The following TRIO variants were observed in gnomAD, a reference collection of about 807,000 sequenced individuals.
The protein encoded by TRIO is triple functional domain protein.
A neutral mutation model predicts 351.9 loss-of-function variants in TRIO; 58 were observed. The observed-to-expected ratio is 0.16, with a 90% CI of 0.13 to 0.21. The LOEUF (loss-of-function observed/expected upper bound fraction) is 0.21, where lower values mean the gene tolerates loss of function less well. Ranked by LOEUF, TRIO falls within the 10% of genes least tolerant of loss-of-function variation. TRIO has a pLI of 1.00. For missense variants in TRIO, 3,201 were observed against 4,027.8 expected (o/e 0.79, Z 5.56); for synonymous variants, 1,758 against 1,595.7 (o/e 1.10, Z -2.42).
chr5:14,276,067 A>G (rs1415953075), intron 2 of TRIO, among the ~76,000 whole-genome samples: 1 of 147,834 alleles, frequency 6.8e-6, no homozygotes, highest in East Asian at 2.0e-4. Flanking sequence ...TTTTTCTTTT[A>G]GAATAGCTTT....
Position 14,474,292 on chromosome 5 carries a change from CTCT to C in TRIO, c.6083+201_6083+203del, listed in dbSNP as rs1754888497. Among the ~76,000 whole-genome samples, 4 of 152,164 alleles carry C rather than the reference CTCT, an allele frequency of 2.6e-5. No individual in the cohort carries two copies. The South Asian group carries it at 8.3e-4, about 32-fold the overall frequency. On this transcript the variant is annotated intron_variant, in intron 40 of 56. Transcript: ENST00000344204. ...TTTGGTGGCACGGAGAGAGTCTTGT[CTCT>C]TCTTCGTGCTGGTCCATGTCGAGAG...
At chr5:14,165,356 C>T (rs571851082) in intron 1 of TRIO, among the ~76,000 whole-genome samples, 12 of 152,308 alleles carry the variant, frequency 7.9e-5, no homozygotes, top group Non-Finnish European at 1.5e-4. Context: ...TAAGCGAGAA[C>T]ATGCAGTATT....
At chr5:14,413,245 G>A (rs1246539728) in intron 33 of TRIO, among the ~76,000 whole-genome samples, 1 of 152,244 alleles carries the variant, frequency 6.6e-6, no homozygotes, top group Non-Finnish European at 1.5e-5. Context: ...CTGGCCTGAT[G>A]AATTGTGGTG....
chr5:14,427,292 T>C (rs940242368), intron 34 of TRIO, among the ~76,000 whole-genome samples: 23 of 152,086 alleles, frequency 1.5e-4, no homozygotes, highest in East Asian at 7.7e-4. Flanking sequence ...CCTGTGCAGA[T>C]TGGAGGAGGC....
At chr5:14,151,511 A>G (rs1420645280) in intron 1 of TRIO, among the ~76,000 whole-genome samples, 1 of 152,114 alleles carries the variant, frequency 6.6e-6, no homozygotes, top group African/African-American at 2.4e-5. Flanking sequence ...AATATATCGG[A>G]GACTAATACT....
intron 1 of TRIO, among the ~76,000 whole-genome samples, chr5:14,147,991 T>C (rs557207047): frequency 5.1e-4 from 78 of 152,388 alleles, no homozygotes; most frequent in African/African-American, 1.8e-3. Flanking sequence ...AGGAGATTTC[T>C]AAAATTCCTG....
At chr5:14,273,344 C>T (rs1735197296) in intron 2 of TRIO, among the ~76,000 whole-genome samples, 2 of 152,334 alleles carry the variant, frequency 1.3e-5, no homozygotes, top group South Asian at 2.1e-4. Flanking sequence ...TTGAATATTT[C>T]CGATCCTTAG....
chr5:14,182,629 A>G (rs1406581646), intron 1 of TRIO, among the ~76,000 whole-genome samples: 1 of 152,208 alleles, frequency 6.6e-6, no homozygotes, highest in African/African-American at 2.4e-5. Flanking sequence ...CTGTAAGAAA[A>G]TGCCATTAAT....
intron 29 of TRIO, among the ~76,000 whole-genome samples, chr5:14,398,209 A>G (rs188994272): frequency 1.2e-3 from 178 of 152,336 alleles, no homozygotes; most frequent in Middle Eastern, 6.8e-3. Flanking sequence ...CCTCTGCCCT[A>G]GGGCTGGCTT....
intron 1 of TRIO, among the ~76,000 whole-genome samples, chr5:14,181,619 G>A (rs924409483): frequency 1.3e-5 from 2 of 152,206 alleles, no homozygotes; most frequent in African/African-American, 4.8e-5. Context: ...CTGTGTCTAC[G>A]GTTGCCCCCA....
At chr5:14,468,799 G>A (rs1754466339) in intron 37 of TRIO, among the ~76,000 whole-genome samples, 1 of 152,160 alleles carries the variant, frequency 6.6e-6, no homozygotes, top group African/African-American at 2.4e-5. Context: ...ATTGGGTTAG[G>A]GAGGAGAGGA....
At chr5:14,169,581 A>G (rs989713849) in intron 1 of TRIO, among the ~76,000 whole-genome samples, 20 of 152,228 alleles carry the variant, frequency 1.3e-4, no homozygotes, top group African/African-American at 4.8e-4. Context: ...CACCTGGACC[A>G]CTTGAGTTGT....
chr5:14,216,790 C>T (rs1008015377), intron 1 of TRIO, among the ~76,000 whole-genome samples: 1 of 152,224 alleles, frequency 6.6e-6, no homozygotes, highest in African/African-American at 2.4e-5. Flanking sequence ...TGAACCTGGT[C>T]AGTACAGTTG....
intron 1 of TRIO, among the ~76,000 whole-genome samples, chr5:14,235,922 C>A (rs1358426890): frequency 1.3e-5 from 2 of 152,054 alleles, no homozygotes; most frequent in Non-Finnish European, 2.9e-5. Context: ...ATTTTGGCCT[C>A]CCAAAGTGCC....
intron 54 of TRIO, among the ~76,000 whole-genome samples, chr5:14,503,776 G>C (rs1057435716): frequency 2.0e-5 from 3 of 152,326 alleles, no homozygotes; most frequent in East Asian, 3.9e-4. Flanking sequence ...CAGTCTGCCC[G>C]CCACAGGCGC....
At chr5:14,184,807 G>A (rs572313430) in intron 1 of TRIO, among the ~76,000 whole-genome samples, 4 of 152,260 alleles carry the variant, frequency 2.6e-5, no homozygotes, top group African/African-American at 7.2e-5. Context: ...GTGCGGTTGC[G>A]GGGTTGGTGC....
Position 14,297,112 on chromosome 5 carries a change from A to G in TRIO, c.1217A>G (p.Asn406Ser), listed in dbSNP as rs138722140. The change falls in exon 7 of 57, where the codon AAT becomes AGT. Residue 406 changes from asparagine to serine, a missense_variant. By Grantham distance (46) the Asn-to-Ser change is conservative. Transcript: ENST00000344204. ...ATAAACCGCATCATGTCGGTGGCCAATCGTCTGGTGGAGTCTGGCCACTAT... is the reference window on the plus strand; with the variant it reads ...ATAAACCGCATCATGTCGGTGGCCAGTCGTCTGGTGGAGTCTGGCCACTAT... ...VNINRIMSVANRLVESGHYAS... is the reference protein window; with the variant it reads ...VNINRIMSVASRLVESGHYAS... 4.6e-4 allele frequency: 736 copies of G among 1,613,938 alleles called. 3 individuals are homozygous for G. Among genetic ancestry groups the G allele is most frequent in the East Asian group, 1.0e-3 (45 of 44,862 alleles).
intron 1 of TRIO, among the ~76,000 whole-genome samples, chr5:14,145,572 C>T (rs893695986): frequency 1.3e-5 from 2 of 151,672 alleles, no homozygotes; most frequent in Non-Finnish European, 2.9e-5. Context: ...AGAACTGGGA[C>T]GTATTCCCTT....
Position 14,194,395 on chromosome 5 carries a change from TATA to T in TRIO, c.157+50519_157+50521del, listed in dbSNP as rs1272624682. 2.0e-4 allele frequency among the ~76,000 whole-genome samples: 30 copies of T among 152,380 alleles called. 2 individuals are homozygous for T. Among genetic ancestry groups the T allele is most frequent in the African/African-American group, 7.0e-4 (29 of 41,594 alleles). On this transcript the variant is annotated intron_variant, in intron 1 of 56. Coordinates refer to ENST00000344204, the MANE Select transcript of TRIO (RefSeq NM_007118.4). Reference sequence around the variant, plus strand: ...CTCTTGTTGGCAGTATAAAAGGTTTTATAATAATTGTTTTCTTTCTTTATTGTT... The same window carrying T: ...CTCTTGTTGGCAGTATAAAAGGTTTTATAATTGTTTTCTTTCTTTATTGTT...
Sources: gnomAD v4.1 joint callset for allele counts (sites outside exome capture counted in the v4.1 genomes callset) on GRCh38, gnomAD v4.1.1 for gene constraint, MANE v1.5 for transcripts, NCBI Gene and HGNC (gene_info 2026-07-23, HGNC 2026-07-21) for gene names.